Variants in SNTG1 observed in about 807,000 individuals in gnomAD.
SNTG1 encodes gamma-1-syntrophin.
Under a neutral mutation model 74.7 loss-of-function variants are expected in SNTG1, and 39 were observed. The ratio of observed to expected loss-of-function variants is 0.52; its 90% CI spans 0.40 to 0.68. The LOEUF (loss-of-function observed/expected upper bound fraction) is 0.68. Among genes scored for constraint, SNTG1 ranks in the 30% least tolerant of loss-of-function variants. The probability of loss-of-function intolerance (pLI) is 0.00; values close to 1 mark genes in which losing one functional copy is unlikely to be tolerated. For synonymous variants in SNTG1, 254 were observed against 217.1 expected (o/e 1.17, Z -1.49); for missense variants, 685 against 609.5 (o/e 1.12, Z -1.30).
At chr8:50,092,454 C>T (rs1340915327) in intron 1 of SNTG1, among the ~76,000 whole-genome samples, 2 of 152,148 alleles carry the variant, frequency 1.3e-5, no homozygotes, top group Non-Finnish European at 2.9e-5. Context: ...CACACCCAAC[C>T]TGACTGACCG....
At chr8:50,360,233 C>A (rs1282163116) in intron 2 of SNTG1, among the ~76,000 whole-genome samples, 3 of 152,122 alleles carry the variant, frequency 2.0e-5, no homozygotes, top group Non-Finnish European at 4.4e-5. Context: ...CAGTGAATTA[C>A]ATGTACAAAT....
chr8:50,474,386 A>G (rs1374307954), intron 8 of SNTG1, among the ~76,000 whole-genome samples: 2 of 151,946 alleles, frequency 1.3e-5, no homozygotes, highest in African/African-American at 4.8e-5. Context: ...CAAGAAAAAA[A>G]AAAAACAACC....
At chr8:50,069,134 G>A (rs942207517) in intron 1 of SNTG1, among the ~76,000 whole-genome samples, 3 of 152,142 alleles carry the variant, frequency 2.0e-5, no homozygotes, top group Non-Finnish European at 4.4e-5. Context: ...GGTTTATAAA[G>A]GAAAATGTAT....
intron 1 of SNTG1, among the ~76,000 whole-genome samples, chr8:49,913,469 G>C (rs1308797384): frequency 6.6e-6 from 1 of 152,142 alleles, no homozygotes; most frequent in African/African-American, 2.4e-5. Context: ...CTTGTTTTAT[G>C]TTGGCTGAGT....
chr8:49,982,140 A>G (rs1046920191), intron 1 of SNTG1, among the ~76,000 whole-genome samples: 4 of 152,174 alleles, frequency 2.6e-5, no homozygotes, highest in Non-Finnish European at 5.9e-5. Flanking sequence ...TTCCACATGA[A>G]ATCACTTATA....
intron 9 of SNTG1, 28 bp from the exon 10 acceptor site, chr8:50,530,149 T>A (rs2094255025): frequency 6.3e-7 from 1 of 1,595,982 alleles, no homozygotes. Flanking sequence ...TTCTCACCAG[T>A]GGAATGTTAT....
chr8:50,622,931 A>G (rs182998140), intron 13 of SNTG1, among the ~76,000 whole-genome samples: 57 of 152,224 alleles, frequency 3.7e-4, no homozygotes, highest in African/African-American at 1.2e-3. Flanking sequence ...TTCGGTGAAA[A>G]TGTTTTCTGA....
At chr8:50,040,982 C>A (rs910530178) in intron 1 of SNTG1, among the ~76,000 whole-genome samples, 1 of 152,060 alleles carries the variant, frequency 6.6e-6, no homozygotes, top group African/African-American at 2.4e-5. Context: ...CTGCAACCCC[C>A]GCCTCCCAGG....
intron 2 of SNTG1, among the ~76,000 whole-genome samples, chr8:50,324,014 A>C (rs1025257249): frequency 6.6e-6 from 1 of 152,142 alleles, no homozygotes; most frequent in Non-Finnish European, 1.5e-5. Context: ...CACCTGCTCT[A>C]AGCCCAGCCT....
intron 2 of SNTG1, among the ~76,000 whole-genome samples, chr8:50,182,199 A>G (rs16914414): frequency 0.025 from 3,820 of 152,268 alleles, 178 homozygotes; most frequent in African/African-American, 0.085. Context: ...GGCAAAGAAT[A>G]ACACATATAT....
At chr8:50,075,670 TG>T (rs1325865147) in intron 1 of SNTG1, among the ~76,000 whole-genome samples, 2 of 152,176 alleles carry the variant, frequency 1.3e-5, no homozygotes, top group Non-Finnish European at 1.5e-5. Context: ...ATCTTGCTGC[TG>T]CTCACTCTTT....
intron 13 of SNTG1, among the ~76,000 whole-genome samples, chr8:50,647,969 C>A (rs1049144072): frequency 6.6e-6 from 1 of 151,984 alleles, no homozygotes; most frequent in Non-Finnish European, 1.5e-5. Context: ...GAAGAATGTA[C>A]TGAAACTGCT....
intron 1 of SNTG1, among the ~76,000 whole-genome samples, chr8:49,921,091 T>C (rs747143028): frequency 1.3e-5 from 2 of 152,104 alleles, no homozygotes; most frequent in African/African-American, 2.4e-5. Flanking sequence ...AAACCTGACC[T>C]ATCTAACTCA....
In SNTG1 at chr8:50,742,713, G is replaced by A. The variant is rs576359641; in HGVS notation, c.1285-9288G>A. Among the ~76,000 whole-genome samples the A allele has an allele frequency of 2.0e-5, 3 of 151,484 alleles. No homozygotes were observed. In the South Asian group the frequency reaches 6.3e-4, roughly 32 times the overall value. ...GTTGAAAAAAATAAAATAGATACTA[G>A]AAAGTAATGAAGAAAAATCAACAAA... On this transcript the variant is annotated intron_variant, in intron 17 of 18. Coordinates refer to ENST00000642720, the MANE Select transcript of SNTG1 (RefSeq NM_018967.5).
At chr8:50,153,003 C>T (rs2082122854) in intron 1 of SNTG1, among the ~76,000 whole-genome samples, 1 of 152,152 alleles carries the variant, frequency 6.6e-6, no homozygotes, top group Non-Finnish European at 1.5e-5. Flanking sequence ...GGAGTGTTTT[C>T]CAACTTGGTT....
intron 1 of SNTG1, among the ~76,000 whole-genome samples, chr8:50,101,922 T>A (rs1414919116): frequency 6.6e-6 from 1 of 152,122 alleles, no homozygotes; most frequent in African/African-American, 2.4e-5. Flanking sequence ...TATTCCATGG[T>A]GTATATGTGC....
intron 1 of SNTG1, among the ~76,000 whole-genome samples, chr8:49,999,687 C>G (rs538565661): frequency 6.6e-5 from 10 of 152,270 alleles, no homozygotes; most frequent in African/African-American, 1.9e-4. Flanking sequence ...TGGGGCTTAG[C>G]TCTGATGTCA....
intron 1 of SNTG1, among the ~76,000 whole-genome samples, chr8:49,979,233 G>A (rs758701769): frequency 5.3e-5 from 8 of 152,310 alleles, no homozygotes; most frequent in South Asian, 2.1e-4. Context: ...CAGCCAGAGC[G>A]GAGTGCGCCT....
intron 2 of SNTG1, among the ~76,000 whole-genome samples, chr8:50,282,493 A>G (rs1286132400): frequency 1.3e-5 from 2 of 152,242 alleles, no homozygotes; most frequent in African/African-American, 4.8e-5. Context: ...TTATAAGGCC[A>G]GGAAAACTTT....
Sources: allele counts gnomAD v4.1 joint callset (sites outside exome capture counted in the v4.1 genomes callset), GRCh38; gene constraint gnomAD v4.1.1; transcripts MANE v1.5; gene names NCBI Gene and HGNC (gene_info 2026-07-23, HGNC 2026-07-21).